Variants in POU6F2 observed in about 807,000 individuals in gnomAD.
POU6F2 encodes POU class 6 homeobox 2, also known as POU domain, class 6, transcription factor 2.
A neutral mutation model predicts 71.3 loss-of-function variants in POU6F2; 31 were observed. The ratio of observed to expected loss-of-function variants is 0.43; its 90% CI spans 0.33 to 0.59. The LOEUF is 0.59. Ranked by LOEUF, POU6F2 falls within the 20% of genes least tolerant of loss-of-function variation. The pLI, the probability that POU6F2 is intolerant of heterozygous loss-of-function variation, is 0.04. For synonymous variants in POU6F2, 347 were observed against 355.7 expected (o/e 0.98, Z 0.27); for missense variants, 783 against 856.8 (o/e 0.91, Z 1.07).
intron 2 of POU6F2, among the ~76,000 whole-genome samples, chr7:39,134,720 C>T (rs374394298): frequency 2.6e-5 from 4 of 152,174 alleles, no homozygotes; most frequent in African/African-American, 4.8e-5. Flanking sequence ...CTTAGACCCA[C>T]GTACCCCAAC....
chr7:39,009,454 C>A (rs1179501240), intron 1 of POU6F2, among the ~76,000 whole-genome samples: 3 of 152,208 alleles, frequency 2.0e-5, no homozygotes, highest in African/African-American at 7.2e-5. Context: ...GATATACAAT[C>A]ATGTCATCTG....
chr7:39,079,900 T>G (rs574896727), intron 1 of POU6F2, among the ~76,000 whole-genome samples: 1 of 152,328 alleles, frequency 6.6e-6, no homozygotes, highest in South Asian at 2.1e-4. Context: ...GTTGAATATT[T>G]GCCAGAAATG....
intron 1 of POU6F2, among the ~76,000 whole-genome samples, chr7:39,015,320 G>GAT (rs1789445028): frequency 7.6e-6 from 1 of 131,776 alleles, no homozygotes; most frequent in African/African-American, 2.8e-5. Flanking sequence ...TATAATAATA[G>GAT]ATATAATATA....
chr7:38,980,585 T>C (rs1197292478), intron 1 of POU6F2, among the ~76,000 whole-genome samples: 1 of 152,244 alleles, frequency 6.6e-6, no homozygotes, highest in Non-Finnish European at 1.5e-5. Flanking sequence ...GTTTATTTTT[T>C]AGCTCTTGTC....
Position 39,207,618 on chromosome 7 carries a change from A to C in POU6F2, c.596A>C (p.Gln199Pro), listed in dbSNP as rs767613333. Reference sequence around the variant, plus strand: ...ATGACTCTGCCACTGCAAAATCTACAAGGTAATCCATAATGTCCATGCGCC... The same window carrying C: ...ATGACTCTGCCACTGCAAAATCTACCAGGTAATCCATAATGTCCATGCGCC... ...GIMTLPLQNL[Q>P]ATSSLNSQLQ... Residue 199 changes from glutamine (Q) to proline (P), a missense_variant and splice_region_variant, in exon 4 of 10, where the codon CAA (glutamine) becomes CCA (proline). Gln to Pro is a moderately conservative substitution (Grantham distance 76, BLOSUM62 -1). Coordinates refer to ENST00000518318, the MANE Select transcript of POU6F2 (RefSeq NM_001370959.1). 1.2e-6 allele frequency: 2 copies of C among 1,613,052 alleles called. No individual in the cohort carries two copies. The highest frequency in any genetic ancestry group is 1.7e-6 in the Non-Finnish European group (2 of 1,179,266).
At chr7:39,230,894 G>A (rs1229108611) in intron 4 of POU6F2, among the ~76,000 whole-genome samples, 1 of 152,160 alleles carries the variant, frequency 6.6e-6, no homozygotes, top group Non-Finnish European at 1.5e-5. Flanking sequence ...GTCAGAAGGT[G>A]CTAGACAAAG....
At chr7:39,111,858 T>C (rs1328428397) in intron 2 of POU6F2, among the ~76,000 whole-genome samples, 1 of 152,150 alleles carries the variant, frequency 6.6e-6, no homozygotes, top group Non-Finnish European at 1.5e-5. Flanking sequence ...CAGATTTTTT[T>C]TTTAATGTTG....
At chr7:38,985,354 C>T (rs1212406009) in intron 1 of POU6F2, among the ~76,000 whole-genome samples, 1 of 152,062 alleles carries the variant, frequency 6.6e-6, no homozygotes, top group East Asian at 1.9e-4. Flanking sequence ...ACTCATTTCA[C>T]TTAGTGTCAG....
At chr7:39,281,262 A>C (rs533669816) in intron 4 of POU6F2, among the ~76,000 whole-genome samples, 96 of 152,292 alleles carry the variant, frequency 6.3e-4, no homozygotes, top group African/African-American at 2.3e-3. Context: ...GGTATTTAGC[A>C]TACCTGTCGC....
intron 5 of POU6F2, among the ~76,000 whole-genome samples, chr7:39,395,753 A>G (rs1787163767): frequency 6.6e-6 from 1 of 152,180 alleles, no homozygotes; most frequent in Non-Finnish European, 1.5e-5. Flanking sequence ...TGTCCCTTGT[A>G]AGAACTCAGC....
At chr7:39,332,379 C>T (rs1036556050) in intron 4 of POU6F2, among the ~76,000 whole-genome samples, 4 of 152,194 alleles carry the variant, frequency 2.6e-5, no homozygotes, top group Non-Finnish European at 5.9e-5. Context: ...GTGACTTCAA[C>T]GCTGTTTCCT....
intron 4 of POU6F2, among the ~76,000 whole-genome samples, chr7:39,236,010 G>T (rs1001042407): frequency 1.3e-5 from 2 of 152,168 alleles, no homozygotes; most frequent in African/African-American, 4.8e-5. Flanking sequence ...TTTCTGGAAC[G>T]TCTCTGGAGT....
At chr7:39,371,113 T>C (rs1786596511) in intron 5 of POU6F2, among the ~76,000 whole-genome samples, 4 of 152,018 alleles carry the variant, frequency 2.6e-5, no homozygotes, top group South Asian at 4.1e-4. Context: ...AGAATACTTA[T>C]CTTTACAGTC....
chr7:39,361,477 G>A (rs1583550565), intron 5 of POU6F2, among the ~76,000 whole-genome samples: 1 of 152,314 alleles, frequency 6.6e-6, no homozygotes, highest in East Asian at 1.9e-4. Context: ...CCTATGATAT[G>A]TGATCCAGAA....
chr7:39,160,814 T>G (rs1792979250), intron 2 of POU6F2, among the ~76,000 whole-genome samples: 2 of 152,126 alleles, frequency 1.3e-5, no homozygotes, highest in Admixed American at 1.3e-4. Flanking sequence ...CTTAAAGGAG[T>G]GCCCACGTGT....
rs770945213 is a variant in POU6F2, at chr7:39,339,715, G to A, written c.672G>A (p.Gln224=). 4 of 1,605,490 alleles carry A rather than the reference G, an allele frequency of 2.5e-6. No homozygotes were observed. The African/African-American group carries it at 4.0e-5, about 16-fold the overall frequency. ...AGCAGCAGCAGCAGCAGCAGCAGCA[G>A]CAGCCTCCCCCGTCAACCAACCAGC... ...QLQQQQQQQQ[Q]QPPPSTNQHP... is the part of the protein sequence containing the mutation. Residue 224 remains glutamine, a synonymous_variant, in exon 5 of 10, where the codon CAG becomes CAA. Coordinates refer to ENST00000518318, the MANE Select transcript of POU6F2 (RefSeq NM_001370959.1).
intron 1 of POU6F2, among the ~76,000 whole-genome samples, chr7:39,061,047 T>G (rs1790646135): frequency 1.3e-5 from 2 of 152,134 alleles, no homozygotes; most frequent in Admixed American, 1.3e-4. Flanking sequence ...CAAAGAAATC[T>G]TACCAGATTT....
At chr7:39,024,502 T>C (rs1158261541) in intron 1 of POU6F2, among the ~76,000 whole-genome samples, 2 of 152,088 alleles carry the variant, frequency 1.3e-5, no homozygotes, top group Admixed American at 1.3e-4. Context: ...TTTATTTCCT[T>C]CTCCTGCCTA....
rs957729552 is a variant in POU6F2 at position 39,466,093 on chromosome 7, G to T, written c.*1407G>T. ...TAGCGATGGCAGACTTTTTTCAGGG[G>T]GAATAATTACTCTTCGGGATATATA... On this transcript the variant is annotated 3_prime_UTR_variant, in exon 10 of 10. Coordinates refer to ENST00000518318, the MANE Select transcript of POU6F2 (RefSeq NM_001370959.1). 2 of 152,114 alleles carry T rather than the reference G, an allele frequency of 1.3e-5. No homozygotes were observed. Among genetic ancestry groups the T allele is most frequent in the African/African-American group, 4.8e-5 (2 of 41,416 alleles). The allele number at this position is 152,114 out of a possible 1,614,324, so 9.4% of individuals were successfully genotyped here.
Sources: gnomAD v4.1 joint callset for allele counts (sites outside exome capture counted in the v4.1 genomes callset) on GRCh38, gnomAD v4.1.1 for gene constraint, MANE v1.5 for transcripts, NCBI Gene and HGNC (gene_info 2026-07-23, HGNC 2026-07-21) for gene names.